SPP2: variants seen among roughly 807,000 people sequenced by gnomAD.
SPP2 encodes the protein secreted phosphoprotein 24.
Under a neutral mutation model 28.8 loss-of-function variants are expected in SPP2, and 34 were observed. That is an observed-to-expected ratio of 1.18 (90% CI 0.90 to 1.57). SPP2 has a LOEUF of 1.57. Ranked by LOEUF, SPP2 falls within the 40% of genes most tolerant of loss-of-function variation. The pLI, the probability that SPP2 is intolerant of heterozygous loss-of-function variation, is 0.00. For synonymous variants in SPP2, 96 were observed against 89.4 expected, an observed-to-expected ratio of 1.07 and a Z score of -0.42; for missense variants, 269 against 263.9, an observed-to-expected ratio of 1.02 and a Z score of -0.13.
chr2:234,051,583 G>A lies in SPP2; in HGVS notation c.210+488G>A, dbSNP rs149578050. 2.2e-3 allele frequency among the ~76,000 whole-genome samples: 340 copies of A among 152,324 alleles called. 1 individual carries two copies. Among genetic ancestry groups the A allele is most frequent in the African/African-American group, 7.9e-3 (330 of 41,582 alleles). On this transcript the variant is annotated intron_variant, in intron 2 of 7. Transcript: ENST00000168148. ...AAGAGTAATCACTTGGGCTTCCAATGACTAAGTCTGTGATATGCAAGGAAA... is the reference window on the plus strand; with the variant it reads ...AAGAGTAATCACTTGGGCTTCCAATAACTAAGTCTGTGATATGCAAGGAAA...
chr2:234,054,749 C>A (rs1693572421), intron 2 of SPP2, among the ~76,000 whole-genome samples: 1 of 152,136 alleles, frequency 6.6e-6, no homozygotes, highest in Non-Finnish European at 1.5e-5. Context: ...CAGTCCATTG[C>A]AATCTTTCCA....
At chr2:234,051,145 C>A in intron 2 of SPP2, 50 bp downstream of exon 2, 2 of 1,595,334 alleles carry the variant, frequency 1.3e-6, no homozygotes, top group Non-Finnish European at 1.7e-6. Flanking sequence ...TGCTGTCTGC[C>A]TTTTGTCAGT....
Position 234,050,969 on chromosome 2 carries a change from A to C in SPP2, c.86-2A>C, listed in dbSNP as rs762729230. The C allele has an allele frequency of 6.2e-7, 1 of 1,613,998 alleles. No homozygotes were observed. The highest frequency in any genetic ancestry group is 8.5e-7 in the Non-Finnish European group (1 of 1,179,912). ...CTGTGCCCCATGTGCTTGCGTGTCC[A>C]GGTTTCCCAGTGTACGACTACGATC... On this transcript the variant is annotated splice_acceptor_variant, in intron 1 of 7. Transcript: ENST00000168148. LOFTEE classifies it high-confidence loss of function.
chr2:234,065,808 TTTTG>T (rs1433077514), intron 4 of SPP2, among the ~76,000 whole-genome samples: 1 of 152,242 alleles, frequency 6.6e-6, no homozygotes, highest in African/African-American at 2.4e-5. Context: ...TTTATCTATT[TTTTG>T]TTTTGTTGTT....
At position 234,060,480 on chromosome 2, in the gene SPP2, G is replaced by T. The variant is rs776952836; in HGVS notation, c.444+1G>T. ...GTCTGAGTCTTACAGCAGCGAAGAG[G>T]TATGACTGGGGCCTTGTCTCCTCCC... On this transcript the variant is annotated splice_donor_variant, in intron 4 of 7. Coordinates refer to ENST00000168148, the MANE Select transcript of SPP2 (RefSeq NM_006944.3). LOFTEE classifies it high-confidence loss of function. 6.2e-7 allele frequency: 1 copy of T among 1,611,734 alleles called. No individual in the cohort carries two copies. Among genetic ancestry groups the T allele is most frequent in the Admixed American group, 1.7e-5 (1 of 59,894 alleles).
intron 4 of SPP2, among the ~76,000 whole-genome samples, chr2:234,061,054 A>G (rs550669472): frequency 2.0e-5 from 3 of 152,332 alleles, no homozygotes; most frequent in African/African-American, 7.2e-5. Context: ...GTTGTTGAGA[A>G]AATCCAGTAA....
intron 2 of SPP2, among the ~76,000 whole-genome samples, chr2:234,053,847 G>A (rs1574821603): frequency 6.6e-6 from 1 of 152,016 alleles, no homozygotes; most frequent in East Asian, 1.9e-4. Context: ...TGGGGAGGGG[G>A]AAGCAAAGAG....
intron 2 of SPP2, among the ~76,000 whole-genome samples, chr2:234,056,981 G>A (rs925132521): frequency 3.3e-5 from 5 of 152,012 alleles, no homozygotes; most frequent in South Asian, 2.1e-4. Flanking sequence ...CAGAAAGAGC[G>A]CTGCCTCCAT....
chr2:234,076,410 A>G (rs568451583), intron 7 of SPP2, among the ~76,000 whole-genome samples: 10 of 152,140 alleles, frequency 6.6e-5, no homozygotes, highest in African/African-American at 2.4e-4. Context: ...TCCTGCACAT[A>G]GGCGTCTCTG....
At chr2:234,052,976 C>T (rs1433542848) in intron 2 of SPP2, among the ~76,000 whole-genome samples, 2 of 152,106 alleles carry the variant, frequency 1.3e-5, no homozygotes, top group African/African-American at 4.8e-5. Context: ...ATGAGGGATA[C>T]ACTAAAAGGC....
chr2:234,065,670 A>G (rs1013728435), intron 4 of SPP2, among the ~76,000 whole-genome samples: 4 of 152,196 alleles, frequency 2.6e-5, no homozygotes, highest in African/African-American at 9.7e-5. Context: ...ATCCTTGCCT[A>G]TGATTTAATT....
chr2:234,050,993 T>A lies in SPP2; in HGVS notation c.108T>A (p.Asp36Glu), dbSNP rs115788299. The A allele has an allele frequency of 4.0e-3, 6,440 of 1,614,006 alleles. 400 individuals are homozygous for A. The East Asian group carries it at 0.12, about 30-fold the overall frequency. ...CAGGTTTCCCAGTGTACGACTACGATCCATCCTCCTTAAGGGATGCCCTCA... is the reference window on the plus strand; with the variant it reads ...CAGGTTTCCCAGTGTACGACTACGAACCATCCTCCTTAAGGGATGCCCTCA... ...SCSGFPVYDY[D>E]PSSLRDALSA... The change falls in exon 2 of 8, where the codon GAT (aspartate) becomes GAA (glutamate). Residue 36 changes from aspartate (D) to glutamate (E), a missense_variant. By Grantham distance (45) the Asp-to-Glu change is conservative (BLOSUM62 2). Coordinates refer to ENST00000168148, the MANE Select transcript of SPP2 (RefSeq NM_006944.3).
At chr2:234,074,109 G>A (rs1690849762) in intron 7 of SPP2, among the ~76,000 whole-genome samples, 1 of 152,142 alleles carries the variant, frequency 6.6e-6, no homozygotes, top group Admixed American at 6.5e-5. Context: ...ATAATGTTGG[G>A]ATTGGAATTG....
intron 6 of SPP2, among the ~76,000 whole-genome samples, chr2:234,069,294 G>C (rs1693887626): frequency 6.6e-6 from 1 of 152,094 alleles, no homozygotes; most frequent in Non-Finnish European, 1.5e-5. Flanking sequence ...CATCACTTCT[G>C]CATAATCTAT....
intron 4 of SPP2, among the ~76,000 whole-genome samples, chr2:234,063,938 T>C (rs554848386): frequency 1.5e-4 from 23 of 152,228 alleles, no homozygotes; most frequent in African/African-American, 5.3e-4. Context: ...TTTACTGCCT[T>C]TCATTTCAAA....
intron 2 of SPP2, among the ~76,000 whole-genome samples, chr2:234,056,879 G>A (rs547805187): frequency 6.5e-4 from 98 of 151,896 alleles, no homozygotes; most frequent in Non-Finnish European, 1.0e-3. Context: ...AAAGATCCCC[G>A]TCCTCAGCTT....
chr2:234,059,342 C>A (rs689395), intron 3 of SPP2, among the ~76,000 whole-genome samples: 2 of 152,244 alleles, frequency 1.3e-5, no homozygotes, highest in Non-Finnish European at 2.9e-5. Flanking sequence ...TGCCATTGAC[C>A]GTTGAATGAC....
intron 7 of SPP2, among the ~76,000 whole-genome samples, chr2:234,076,106 G>A (rs533106382): frequency 6.6e-6 from 1 of 152,158 alleles, no homozygotes; most frequent in Non-Finnish European, 1.5e-5. Context: ...ATCTTATAAT[G>A]AGTCTGGGGT....
intron 3 of SPP2, 39 bp from the exon 4 acceptor site, chr2:234,060,330 A>C (rs1477346384): frequency 6.9e-7 from 1 of 1,456,352 alleles, no homozygotes; most frequent in South Asian, 1.1e-5. Flanking sequence ...CCTTTCCACA[A>C]ACAGCTGAAG....
Sources: gnomAD v4.1 joint callset for allele counts (sites outside exome capture counted in the v4.1 genomes callset) on GRCh38, gnomAD v4.1.1 for gene constraint, MANE v1.5 for transcripts, NCBI Gene and HGNC (gene_info 2026-07-23, HGNC 2026-07-21) for gene names.